EHHADH: variants seen among roughly 807,000 people sequenced by gnomAD.
EHHADH encodes peroxisomal bifunctional enzyme.
EHHADH carries 48 observed loss-of-function variants against 64.4 expected under a neutral mutation model. That is an observed-to-expected ratio of 0.75 (90% CI 0.59 to 0.95). EHHADH has a LOEUF of 0.95. Ranked by LOEUF, EHHADH falls within the 40% of genes least tolerant of loss-of-function variation. The probability of loss-of-function intolerance (pLI) is 0.00; values close to 1 mark genes in which losing one functional copy is unlikely to be tolerated. For missense variants in EHHADH, 854 were observed against 876.6 expected (o/e 0.97, Z 0.33); for synonymous variants, 308 against 326.7 (o/e 0.94, Z 0.62).
At chr3:185,218,365 T>C in intron 4 of EHHADH, 125 bp from the exon 5 acceptor site, 1 of 548,986 alleles carries the variant, frequency 1.8e-6, no homozygotes, top group South Asian at 3.3e-5. Flanking sequence ...TTGAATAAAA[T>C]AAGTAAGAAC....
rs375620569 is a variant in EHHADH, at chr3:185,192,317, G to A, written c.2081C>T (p.Pro694Leu). ...AGCCAGTTTTTTTAGATAGTCACTT[G>A]GCTCCAGTTGGGGAATATCAGGGTT... ...RQNPDIPQLE[P>L]SDYLKKLASQ... Residue 694 changes from proline (P) to leucine (L), a missense_variant, in exon 7 of 7, where the codon CCA (proline) becomes CTA (leucine). Coordinates refer to ENST00000231887, the MANE Select transcript of EHHADH (RefSeq NM_001966.4). The A allele has an allele frequency of 4.5e-5, 72 of 1,614,006 alleles. No homozygotes were observed. Among genetic ancestry groups the A allele is most frequent in the Non-Finnish European group, 5.8e-5 (69 of 1,180,040 alleles).
chr3:185,244,967 T>C (rs1475423032), intron 2 of EHHADH, among the ~76,000 whole-genome samples: 1 of 152,216 alleles, frequency 6.6e-6, no homozygotes, highest in Non-Finnish European at 1.5e-5. Flanking sequence ...TATGTAAAAT[T>C]GGAATATTTT....
At chr3:185,218,001 G>T in intron 5 of EHHADH, 135 bp downstream of exon 5, 1 of 457,890 alleles carries the variant, frequency 2.2e-6, no homozygotes, top group Non-Finnish European at 3.9e-6. Flanking sequence ...TCCTGACCTC[G>T]TGATCCGCCC....
At chr3:185,217,638 C>A (rs1333953706) in intron 5 of EHHADH, among the ~76,000 whole-genome samples, 1 of 151,776 alleles carries the variant, frequency 6.6e-6, no homozygotes, top group Admixed American at 6.6e-5. Context: ...TCACGTTCAA[C>A]CACGGGTAAA....
intron 1 of EHHADH, 178 bp downstream of exon 1, chr3:185,253,771 A>AG: frequency 8.9e-6 from 12 of 1,348,864 alleles, no homozygotes; most frequent in African/African-American, 1.5e-5. Flanking sequence ...TAAAAAAAAA[A>AG]AAAAAGAAAA....
intron 5 of EHHADH, among the ~76,000 whole-genome samples, chr3:185,206,651 A>G (rs1021171211): frequency 3.9e-5 from 6 of 151,930 alleles, no homozygotes; most frequent in Non-Finnish European, 8.8e-5. Context: ...AACATGGTGA[A>G]ACCCCATCTC....
At chr3:185,205,992 C>G (rs1265429763) in intron 5 of EHHADH, among the ~76,000 whole-genome samples, 1 of 151,992 alleles carries the variant, frequency 6.6e-6, no homozygotes, top group Non-Finnish European at 1.5e-5. Context: ...CAACTATAAC[C>G]TACTTCCACC....
intron 6 of EHHADH, among the ~76,000 whole-genome samples, chr3:185,194,379 G>A (rs113044515): frequency 0.041 from 6,229 of 152,208 alleles, 202 homozygotes; most frequent in East Asian, 0.16. Context: ...CTGGGAGGCC[G>A]AGGTGGGCAG....
At chr3:185,214,031 T>C (rs775633891) in intron 5 of EHHADH, among the ~76,000 whole-genome samples, 7 of 151,952 alleles carry the variant, frequency 4.6e-5, no homozygotes, top group Non-Finnish European at 8.8e-5. Flanking sequence ...AAATGGCAAA[T>C]GTTGACAAGA....
intron 6 of EHHADH, among the ~76,000 whole-genome samples, chr3:185,195,750 G>C (rs1718041707): frequency 1.3e-5 from 2 of 152,096 alleles, no homozygotes; most frequent in African/African-American, 4.8e-5. Context: ...CCCAAAGATG[G>C]GAACAATAAA....
intron 5 of EHHADH, among the ~76,000 whole-genome samples, chr3:185,214,951 G>A (rs1718642770): frequency 6.6e-6 from 1 of 152,104 alleles, no homozygotes; most frequent in African/African-American, 2.4e-5. Context: ...TAAGTGAAAA[G>A]GTATGAGTAA....
At chr3:185,243,570 G>T (rs1719513695) in intron 2 of EHHADH, among the ~76,000 whole-genome samples, 1 of 151,902 alleles carries the variant, frequency 6.6e-6, no homozygotes, top group African/African-American at 2.4e-5. Context: ...AAAAATTTCT[G>T]CCTTGATTTC....
chr3:185,204,651 AG>A lies in EHHADH; in HGVS notation c.674del (p.Pro225LeufsTer99), dbSNP rs1718335497. On this transcript the variant is annotated frameshift_variant, in exon 6 of 7. Transcript: ENST00000231887. LOFTEE classifies it high-confidence loss of function. ...CACAAGCCTCCTGTGCAAGACACCC[AG>A]GGTGCTGCCTCCGCATCTTCAAGAG... ...EALLKMRRQH[P>X]GCLAQEACVR... is the part of the protein sequence containing the mutation. 1 of 1,614,100 alleles carries A rather than the reference AG, an allele frequency of 6.2e-7. No individual in the cohort carries two copies. The highest frequency in any genetic ancestry group is 8.5e-7 in the Non-Finnish European group (1 of 1,180,048).
At chr3:185,221,947 A>T (rs1718846571) in intron 4 of EHHADH, among the ~76,000 whole-genome samples, 1 of 152,180 alleles carries the variant, frequency 6.6e-6, no homozygotes, top group Non-Finnish European at 1.5e-5. Context: ...GATTTCTACT[A>T]GCAGTTATCA....
rs750760687 is a variant in EHHADH, at chr3:185,192,389, A to C, written c.2009T>G (p.Val670Gly). The C allele has an allele frequency of 6.2e-7, 1 of 1,614,112 alleles. No homozygotes were observed. The highest frequency in any genetic ancestry group is 1.7e-5 in the Admixed American group (1 of 60,002). Residue 670 changes from valine to glycine, a missense_variant, in exon 7 of 7, where the codon GTT (valine) becomes GGT (glycine). Transcript: ENST00000231887. ...TTTCTCTAGAACTGTGGGCAACCCAACTGTGGAAGCATAGAACATGGGCCC... is the reference window on the plus strand; with the variant it reads ...TTTCTCTAGAACTGTGGGCAACCCACCTGTGGAAGCATAGAACATGGGCCC... ...KGGPMFYASTVGLPTVLEKLQ... is the reference protein window; with the variant it reads ...KGGPMFYASTGGLPTVLEKLQ...
At chr3:185,218,356 T>C (rs1169211443) in intron 4 of EHHADH, 116 bp from the exon 5 acceptor site, 4 of 587,942 alleles carry the variant, frequency 6.8e-6, no homozygotes, top group Non-Finnish European at 8.5e-6. Flanking sequence ...TATCTATTAT[T>C]GAATAAAATA....
chr3:185,193,894 A>G lies in EHHADH; in HGVS notation c.911-407T>C, dbSNP rs977623299. Among the ~76,000 whole-genome samples the G allele has an allele frequency of 3.3e-5, 5 of 152,260 alleles. No homozygotes were observed. The South Asian group carries it at 1.0e-3, about 31-fold the overall frequency. On this transcript the variant is annotated intron_variant, in intron 6 of 6. Coordinates refer to ENST00000231887, the MANE Select transcript of EHHADH (RefSeq NM_001966.4). Reference sequence around the variant, plus strand: ...AAGAATAGGAGGATTTGTACACTAAAAAGTACAAAACATTGTTAATAGAAA... The same window carrying G: ...AAGAATAGGAGGATTTGTACACTAAGAAGTACAAAACATTGTTAATAGAAA...
chr3:185,200,573 C>T (rs190970999), intron 6 of EHHADH, among the ~76,000 whole-genome samples: 375 of 152,288 alleles, frequency 2.5e-3, no homozygotes, highest in African/African-American at 8.9e-3. Flanking sequence ...ATATAGTTCT[C>T]TAATTTTGCC....
At chr3:185,195,832 C>T (rs1718043905) in intron 6 of EHHADH, among the ~76,000 whole-genome samples, 1 of 152,142 alleles carries the variant, frequency 6.6e-6, no homozygotes, top group Non-Finnish European at 1.5e-5. Context: ...GTACTGTGTT[C>T]ACTACTTGAG....
Sources: allele counts gnomAD v4.1 joint callset (sites outside exome capture counted in the v4.1 genomes callset), GRCh38; gene constraint gnomAD v4.1.1; transcripts MANE v1.5; gene names NCBI Gene and HGNC (gene_info 2026-07-23, HGNC 2026-07-21).